The following SFMBT1 variants were observed in gnomAD, a reference collection of about 807,000 sequenced individuals.
The protein encoded by SFMBT1 is Scm like with four mbt domains 1.
A neutral mutation model predicts 108.7 loss-of-function variants in SFMBT1; 32 were observed. The observed-to-expected ratio is 0.29, with a 90% CI of 0.22 to 0.40. The LOEUF is 0.40. Among genes scored for constraint, SFMBT1 ranks in the 10% least tolerant of loss-of-function variants. SFMBT1 has a pLI of 1.00. For synonymous variants in SFMBT1, 348 were observed against 369.5 expected, an observed-to-expected ratio of 0.94 and a Z score of 0.67; for missense variants, 816 against 1,059.6, an observed-to-expected ratio of 0.77 and a Z score of 3.19.
At chr3:52,937,594 T>C (rs986589828) in intron 4 of SFMBT1, among the ~76,000 whole-genome samples, 1 of 152,130 alleles carries the variant, frequency 6.6e-6, no homozygotes, top group African/African-American at 2.4e-5. Flanking sequence ...CATTCTTTTT[T>C]TTTTTTGAGA....
At chr3:53,044,546 C>A (rs765431629) in intron 1 of SFMBT1, among the ~76,000 whole-genome samples, 10 of 152,198 alleles carry the variant, frequency 6.6e-5, no homozygotes, top group Non-Finnish European at 1.2e-4. Context: ...AAAGTGTACA[C>A]ATGAAGACAC....
chr3:53,022,379 G>C lies in SFMBT1; in HGVS notation c.-131+23437C>G, dbSNP rs7340607. Among the ~76,000 whole-genome samples the C allele has an allele frequency of 8.9e-3, 1,336 of 150,880 alleles. 21 individuals are homozygous for C. The highest frequency in any genetic ancestry group is 0.031 in the African/African-American group (1,273 of 41,000). ...ACAGGAGAACTGCTTGGGCCCAGGA[G>C]GTAGACGCTGCAGTCAGCCATGATC... is the stretch of plus-strand genomic sequence containing the variant. On this transcript the variant is annotated intron_variant, in intron 1 of 20. Transcript: ENST00000394752.
At chr3:53,012,405 T>C (rs1575437979) in intron 1 of SFMBT1, among the ~76,000 whole-genome samples, 1 of 147,504 alleles carries the variant, frequency 6.8e-6, no homozygotes, top group Non-Finnish European at 1.5e-5. Context: ...TGAGTGCTCT[T>C]TTTTTTTTTT....
chr3:52,905,983 G>T, intron 20 of SFMBT1, 130 bp downstream of exon 20: 1 of 1,050,742 alleles, frequency 9.5e-7, no homozygotes, highest in Non-Finnish European at 1.4e-6. Flanking sequence ...TCCTAAAAAT[G>T]GAATTAAGAC....
At chr3:52,962,316 C>T (rs1703985708) in intron 2 of SFMBT1, among the ~76,000 whole-genome samples, 1 of 152,066 alleles carries the variant, frequency 6.6e-6, no homozygotes, top group African/African-American at 2.4e-5. Flanking sequence ...ATTTGTAATA[C>T]CAAGACTGGA....
chr3:52,954,124 CA>C (rs547130614), intron 3 of SFMBT1, among the ~76,000 whole-genome samples, 192 bp downstream of exon 3: 1 of 144,770 alleles, frequency 6.9e-6, no homozygotes. Context: ...GACTCCATCT[CA>C]AAAAAAAATA....
chr3:53,037,834 C>T (rs915828704), intron 1 of SFMBT1, among the ~76,000 whole-genome samples: 1 of 152,074 alleles, frequency 6.6e-6, no homozygotes, highest in African/African-American at 2.4e-5. Flanking sequence ...AAAGGCCCGG[C>T]GCAGTGGCTC....
At chr3:53,013,214 C>T (rs982064140) in intron 1 of SFMBT1, among the ~76,000 whole-genome samples, 2 of 151,554 alleles carry the variant, frequency 1.3e-5, no homozygotes, top group African/African-American at 4.9e-5. Flanking sequence ...TGAGATAGTA[C>T]AATTCATTCA....
intron 1 of SFMBT1, among the ~76,000 whole-genome samples, chr3:52,988,447 A>C (rs575196801): frequency 6.6e-6 from 1 of 152,276 alleles, no homozygotes; most frequent in South Asian, 2.1e-4. Context: ...GTCCCTCAAG[A>C]ACGCCTCCCA....
chr3:52,906,716 A>G (rs1014633990), intron 19 of SFMBT1, among the ~76,000 whole-genome samples: 2 of 152,236 alleles, frequency 1.3e-5, no homozygotes, highest in Non-Finnish European at 2.9e-5. Flanking sequence ...ACCAGAATCA[A>G]AAGGATAACT....
At chr3:52,958,272 C>A (rs1296242099) in intron 2 of SFMBT1, among the ~76,000 whole-genome samples, 2 of 152,164 alleles carry the variant, frequency 1.3e-5, no homozygotes, top group African/African-American at 4.8e-5. Context: ...CCATCTCACG[C>A]CAGTCAGAAT....
chr3:52,991,596 G>A (rs1705133778), intron 1 of SFMBT1, among the ~76,000 whole-genome samples: 1 of 151,964 alleles, frequency 6.6e-6, no homozygotes, highest in Admixed American at 6.6e-5. Context: ...CGCCCACCTC[G>A]GCCTCCCAAA....
chr3:52,955,544 TACAA>T (rs1308932333), intron 2 of SFMBT1, among the ~76,000 whole-genome samples: 1 of 151,794 alleles, frequency 6.6e-6, no homozygotes, highest in Non-Finnish European at 1.5e-5. Flanking sequence ...CCCACAGAAA[TACAA>T]ACAACCATCA....
At chr3:52,948,126 GAACT>G (rs1159837638) in intron 3 of SFMBT1, among the ~76,000 whole-genome samples, 20 of 152,112 alleles carry the variant, frequency 1.3e-4, no homozygotes, top group Non-Finnish European at 5.9e-5. Flanking sequence ...ATCATATTTA[GAACT>G]AACATACACC....
At chr3:52,932,727 A>G (rs1360175774) in intron 5 of SFMBT1, among the ~76,000 whole-genome samples, 1 of 152,144 alleles carries the variant, frequency 6.6e-6, no homozygotes, top group Admixed American at 6.5e-5. Context: ...TGTGGCCAAC[A>G]TGGTGAAACC....
chr3:52,914,653 A>G (rs1417049614), intron 14 of SFMBT1, among the ~76,000 whole-genome samples: 1 of 152,188 alleles, frequency 6.6e-6, no homozygotes, highest in Non-Finnish European at 1.5e-5. Context: ...CTGATGTAGG[A>G]GGACAGCTTG....
intron 9 of SFMBT1, among the ~76,000 whole-genome samples, chr3:52,927,509 ATC>A (rs1702692278): frequency 6.6e-6 from 1 of 152,196 alleles, no homozygotes; most frequent in Admixed American, 6.5e-5. Flanking sequence ...CAATCAAATA[ATC>A]TGATTTGCTA....
At chr3:52,972,731 C>T (rs1704385467) in intron 1 of SFMBT1, among the ~76,000 whole-genome samples, 1 of 141,600 alleles carries the variant, frequency 7.1e-6, no homozygotes, top group South Asian at 2.3e-4. Flanking sequence ...GTGGTAAAAC[C>T]CCATCTCTAC....
chr3:53,043,672 C>G (rs1700124788), intron 1 of SFMBT1, among the ~76,000 whole-genome samples: 1 of 152,130 alleles, frequency 6.6e-6, no homozygotes, highest in African/African-American at 2.4e-5. Context: ...ATAAGGACTC[C>G]CAAGAACTAC....
Sources: gnomAD v4.1 joint callset for allele counts (sites outside exome capture counted in the v4.1 genomes callset) on GRCh38, gnomAD v4.1.1 for gene constraint, MANE v1.5 for transcripts, NCBI Gene and HGNC (gene_info 2026-07-23, HGNC 2026-07-21) for gene names.